MXD4: variants seen among roughly 807,000 people sequenced by gnomAD.
MXD4 encodes the protein MAX dimerization protein 4, also known as Mad4 homolog.
Under a neutral mutation model 24.5 loss-of-function variants are expected in MXD4, and 16 were observed. That is an observed-to-expected ratio of 0.65 (90% confidence interval 0.44 to 0.99). The LOEUF is 0.99. Ranked by LOEUF, MXD4 falls within the 50% of genes least tolerant of loss-of-function variation. MXD4 has a pLI of 0.00. For synonymous variants in MXD4, 164 were observed against 134.2 expected (o/e 1.22, Z -1.54); for missense variants, 301 against 301.5 (o/e 1.00, Z 0.01).
At chr4:2,255,236 G>A (rs1352135260) in intron 3 of MXD4, 2 of 442,738 alleles carry the variant, frequency 4.5e-6, no homozygotes, top group South Asian at 1.6e-5. Flanking sequence ...GGCAATGTTA[G>A]TGCCCGCGGG....
At chr4:2,256,899 C>T (rs945154879) in intron 3 of MXD4, among the ~76,000 whole-genome samples, 15 of 152,158 alleles carry the variant, frequency 9.9e-5, no homozygotes, top group African/African-American at 3.6e-4. Flanking sequence ...CCCCCACGTG[C>T]CTGCCCCGGC....
At chr4:2,261,887 C>A in intron 1 of MXD4, 30 bp downstream of exon 1, 1 of 1,413,384 alleles carries the variant, frequency 7.1e-7, no homozygotes, top group Non-Finnish European at 9.2e-7. Context: ...CGCCCACCGC[C>A]GCGGGCGCAC....
chr4:2,257,454 C>G (rs1305599487), intron 3 of MXD4, among the ~76,000 whole-genome samples: 8 of 152,214 alleles, frequency 5.3e-5, no homozygotes, highest in Admixed American at 5.2e-4. Context: ...CAGAGCTGAG[C>G]CTGCAGCCCT....
intron 3 of MXD4, among the ~76,000 whole-genome samples, chr4:2,256,957 A>G (rs1735443650): frequency 6.6e-6 from 1 of 152,052 alleles, no homozygotes; most frequent in Admixed American, 6.5e-5. Context: ...GCCTGGAACA[A>G]TTCCAGGCCT....
At chr4:2,261,178 G>A (rs918711448) in intron 2 of MXD4, among the ~76,000 whole-genome samples, 6 of 152,242 alleles carry the variant, frequency 3.9e-5, no homozygotes, top group Admixed American at 2.0e-4. Flanking sequence ...CACCCTGGGA[G>A]GAGTGAGGGC....
chr4:2,259,798 G>A (rs947214480), intron 2 of MXD4, among the ~76,000 whole-genome samples: 5 of 152,144 alleles, frequency 3.3e-5, no homozygotes, highest in African/African-American at 1.2e-4. Flanking sequence ...CAGGCCAAGT[G>A]CGTTCCCAGC....
rs748103465 is a variant in MXD4 at position 2,252,464 on chromosome 4, C to T, written c.253G>A (p.Asp85Asn). 2.2e-5 allele frequency: 36 copies of T among 1,611,586 alleles called. No homozygotes were observed. Among genetic ancestry groups the T allele is most frequent in the Middle Eastern group, 1.8e-4 (1 of 5,570 alleles). Residue 85 changes from aspartate to asparagine, a missense_variant, in exon 4 of 6, where the codon GAC becomes AAC. Coordinates refer to ENST00000337190, the MANE Select transcript of MXD4 (RefSeq NM_006454.3). The part of the protein sequence containing the change: ...QLKQLVPLGP[D>N]STRHTTLSLL... ...CTCAGCGTGGTGTGGCGGGTGCTGT[C>T]GGGGCCCAGGGGCACCAGTTGCTTG...
intron 5 of MXD4, 137 bp from the exon 6 acceptor site, chr4:2,250,838 C>A: frequency 7.9e-7 from 1 of 1,257,882 alleles, no homozygotes; most frequent in African/African-American, 1.5e-5. Flanking sequence ...GCAGCAGACG[C>A]CAGGAGGGCT....
intron 4 of MXD4, among the ~76,000 whole-genome samples, chr4:2,252,083 C>T (rs750431188): frequency 6.6e-6 from 1 of 152,172 alleles, no homozygotes; most frequent in Non-Finnish European, 1.5e-5. Context: ...TCTTCACAGC[C>T]CAGGACCCCA....
chr4:2,259,537 C>T (rs146045481), intron 2 of MXD4, among the ~76,000 whole-genome samples: 2 of 152,358 alleles, frequency 1.3e-5, no homozygotes, highest in Admixed American at 6.5e-5. Flanking sequence ...CCACGTGGGT[C>T]TGTAGTCAAG....
rs535209474 is a variant in MXD4, at chr4:2,250,837, G to A, written c.473-136C>T. ...CTGTCTGGGCCCTGGGGCAGCAGAC[G>A]CCAGGAGGGCTCTGGCTGAGAACCC... On this transcript the variant is annotated intron_variant, in intron 5 of 5. Transcript: ENST00000337190. The A allele has an allele frequency of 5.8e-5, 73 of 1,248,776 alleles. No individual in the cohort carries two copies. In the African/African-American group the frequency reaches 9.3e-4, roughly 16 times the overall value. The allele number at this position is 1,248,776 out of a possible 1,614,324, so 77.4% of individuals were successfully genotyped here.
rs747294795 is a variant in MXD4 at position 2,259,056 on chromosome 4, C to T, written c.165-1045G>A. 3.4e-5 allele frequency: 15 copies of T among 439,816 alleles called. 1 individual carries two copies. The highest frequency in any genetic ancestry group is 1.4e-4 in the South Asian group (9 of 62,994). 27.2% of individuals were successfully genotyped at this position (439,816 alleles called of 1,614,324 possible). A position where few individuals can be genotyped will look rare whatever the true frequency, so the allele number is the denominator to read the frequency against. On this transcript the variant is annotated intron_variant, in intron 2 of 5. Transcript: ENST00000337190. ...AGGGCTCCCGGGCCTCCCAGGATGCCGCTGCACAGGTGGGCAGAGAGCTCA... is the reference window on the plus strand; with the variant it reads ...AGGGCTCCCGGGCCTCCCAGGATGCTGCTGCACAGGTGGGCAGAGAGCTCA...
chr4:2,260,363 T>C (rs1416875289), intron 2 of MXD4, among the ~76,000 whole-genome samples: 1 of 152,206 alleles, frequency 6.6e-6, no homozygotes, highest in Admixed American at 6.5e-5. Context: ...ACATCACCTC[T>C]CTGAGCCTGG....
At chr4:2,261,672 C>CG (rs1000653021) in intron 2 of MXD4, 53 bp downstream of exon 2, 2 of 985,720 alleles carry the variant, frequency 2.0e-6, no homozygotes, top group African/African-American at 2.9e-5. Context: ...ACGCTCCGGG[C>CG]GGGGGCGGGG....
At chr4:2,259,779 C>T (rs1041921984) in intron 2 of MXD4, among the ~76,000 whole-genome samples, 6 of 152,162 alleles carry the variant, frequency 3.9e-5, no homozygotes, top group Non-Finnish European at 8.8e-5. Flanking sequence ...GACCTGTCCC[C>T]GCTGAGGCCA....
intron 3 of MXD4, chr4:2,253,860 G>C (rs1399805459): frequency 6.6e-6 from 1 of 152,276 alleles, no homozygotes; most frequent in Non-Finnish European, 1.5e-5. Context: ...CACAGGTGCA[G>C]GGAAAGGGGT....
At chr4:2,260,423 GTTC>G (rs1735515790) in intron 2 of MXD4, 10 of 389,766 alleles carry the variant, frequency 2.6e-5, no homozygotes, top group Non-Finnish European at 4.7e-5. Context: ...TAGAGGCAGT[GTTC>G]GGGCAGCCTT....
intron 2 of MXD4, among the ~76,000 whole-genome samples, chr4:2,258,239 G>A (rs1435943476): frequency 6.6e-6 from 1 of 152,192 alleles, no homozygotes; most frequent in Non-Finnish European, 1.5e-5. Context: ...GGTACTCCGT[G>A]CCGGGGGAGC....
At chr4:2,258,391 G>T (rs1205866365) in intron 2 of MXD4, among the ~76,000 whole-genome samples, 1 of 152,124 alleles carries the variant, frequency 6.6e-6, no homozygotes, top group Admixed American at 6.5e-5. Flanking sequence ...ACCTAGCAAG[G>T]CCCGTGGTGA....
Sources: allele counts gnomAD v4.1 joint callset (sites outside exome capture counted in the v4.1 genomes callset), GRCh38; gene constraint gnomAD v4.1.1; transcripts MANE v1.5; gene names NCBI Gene and HGNC (gene_info 2026-07-23, HGNC 2026-07-21).